CHRM3: variants seen among roughly 807,000 people sequenced by gnomAD.
The protein encoded by CHRM3 is cholinergic receptor muscarinic 3, also known as muscarinic acetylcholine receptor M3.
Under a neutral mutation model 41.8 loss-of-function variants are expected in CHRM3, and 11 were observed. That is an observed-to-expected ratio of 0.26 (90% CI 0.17 to 0.44). CHRM3 has a LOEUF of 0.44. Ranked by LOEUF, CHRM3 falls within the 20% of genes least tolerant of loss-of-function variation. The pLI is 1.00. For missense variants in CHRM3, 571 were observed against 745.4 expected (o/e 0.77, Z 2.72); for synonymous variants, 297 against 301.4 (o/e 0.99, Z 0.15).
intron 4 of CHRM3, among the ~76,000 whole-genome samples, chr1:239,661,701 C>T (rs558447662): frequency 5.5e-4 from 84 of 152,142 alleles, no homozygotes; most frequent in Middle Eastern, 3.4e-3. Flanking sequence ...ATTTTTAAGG[C>T]GGTGAAACTA....
chr1:239,715,736 A>C (rs774025269), intron 5 of CHRM3, among the ~76,000 whole-genome samples: 5 of 152,100 alleles, frequency 3.3e-5, no homozygotes, highest in Non-Finnish European at 5.9e-5. Flanking sequence ...GGTGGCAAAG[A>C]GTTAGGCTGG....
At chr1:239,661,221 G>A (rs921523362) in intron 4 of CHRM3, among the ~76,000 whole-genome samples, 7 of 152,058 alleles carry the variant, frequency 4.6e-5, no homozygotes, top group African/African-American at 7.2e-5. Context: ...TTACCCTTTT[G>A]TTACTAAATG....
chr1:239,777,158 G>A (rs1232725096), intron 5 of CHRM3, among the ~76,000 whole-genome samples: 1 of 152,156 alleles, frequency 6.6e-6, no homozygotes. Flanking sequence ...TTCTGGGAAA[G>A]GTTATTAAAC....
At chr1:239,870,714 G>A (rs1460582346) in intron 6 of CHRM3, among the ~76,000 whole-genome samples, 2 of 152,152 alleles carry the variant, frequency 1.3e-5, no homozygotes, top group African/African-American at 4.8e-5. Flanking sequence ...TGAGGCTCTC[G>A]TTAGCCACCT....
chr1:239,696,839 A>G (rs1365135967), intron 5 of CHRM3, among the ~76,000 whole-genome samples: 1 of 152,226 alleles, frequency 6.6e-6, no homozygotes. Flanking sequence ...AAAAACAAAA[A>G]CCAGCAGTCA....
At chr1:239,697,350 T>C (rs1431104503) in intron 5 of CHRM3, among the ~76,000 whole-genome samples, 1 of 152,162 alleles carries the variant, frequency 6.6e-6, no homozygotes, top group Non-Finnish European at 1.5e-5. Flanking sequence ...CGTGACTTGC[T>C]CCTCCTTGCC....
At chr1:239,568,400 C>T (rs181995155) in intron 3 of CHRM3, among the ~76,000 whole-genome samples, 1 of 152,166 alleles carries the variant, frequency 6.6e-6, no homozygotes, top group Admixed American at 6.5e-5. Context: ...GCTTGCCTCT[C>T]ATTCTTTTGT....
At chr1:239,850,381 A>G (rs1159303545) in intron 6 of CHRM3, among the ~76,000 whole-genome samples, 2 of 152,128 alleles carry the variant, frequency 1.3e-5, no homozygotes, top group Non-Finnish European at 2.9e-5. Context: ...TCTCAGGGAT[A>G]ACAGAGGTGT....
At chr1:239,476,096 A>C (rs1389641654) in intron 1 of CHRM3, among the ~76,000 whole-genome samples, 6 of 152,032 alleles carry the variant, frequency 3.9e-5, no homozygotes, top group Non-Finnish European at 8.8e-5. Flanking sequence ...TTGTATCCTA[A>C]TAAACTATCA....
At chr1:239,809,610 A>G (rs1670952281) in intron 5 of CHRM3, among the ~76,000 whole-genome samples, 1 of 151,424 alleles carries the variant, frequency 6.6e-6, no homozygotes, top group Admixed American at 6.6e-5. Flanking sequence ...TGATCCTCCC[A>G]CTTCAGCCAC....
At chr1:239,610,494 T>G (rs1383441989) in intron 3 of CHRM3, among the ~76,000 whole-genome samples, 3 of 152,158 alleles carry the variant, frequency 2.0e-5, no homozygotes, top group Non-Finnish European at 4.4e-5. Flanking sequence ...CTGCTCCTAA[T>G]CTGAAATATA....
At chr1:239,879,286 G>A (rs535972029) in intron 6 of CHRM3, among the ~76,000 whole-genome samples, 25 of 152,196 alleles carry the variant, frequency 1.6e-4, no homozygotes, top group Admixed American at 2.6e-4. Context: ...GTGAGCCAAC[G>A]CACCCAGCTT....
intron 4 of CHRM3, among the ~76,000 whole-genome samples, chr1:239,637,018 T>A (rs1198841179): frequency 6.6e-6 from 1 of 152,180 alleles, no homozygotes; most frequent in Non-Finnish European, 1.5e-5. Context: ...GTATCCTCGG[T>A]ATTAAAGGAA....
intron 4 of CHRM3, among the ~76,000 whole-genome samples, chr1:239,647,876 C>T (rs1382413066): frequency 6.6e-6 from 1 of 152,054 alleles, no homozygotes; most frequent in Non-Finnish European, 1.5e-5. Flanking sequence ...AATTGCTTGG[C>T]TTCTATGTCT....
At chr1:239,715,457 C>T (rs954145534) in intron 5 of CHRM3, among the ~76,000 whole-genome samples, 4 of 152,024 alleles carry the variant, frequency 2.6e-5, no homozygotes, top group African/African-American at 9.7e-5. Flanking sequence ...GCGTAAATAC[C>T]GTCACCATGG....
intron 5 of CHRM3, among the ~76,000 whole-genome samples, chr1:239,802,010 A>G (rs1111249): frequency 0.34 from 51,192 of 152,060 alleles, 8,991 homozygotes; most frequent in Non-Finnish European, 0.4. Context: ...TGGCAGGCCA[A>G]TTTCTCTTAT....
At chr1:239,546,200 A>G (rs555128727) in intron 3 of CHRM3, 18 of 152,142 alleles carry the variant, frequency 1.2e-4, no homozygotes, top group Non-Finnish European at 2.4e-4. Flanking sequence ...TTGGTGTATG[A>G]TATTTACGGT....
intron 5 of CHRM3, among the ~76,000 whole-genome samples, chr1:239,774,309 T>C (rs1572250574): frequency 6.6e-6 from 1 of 152,130 alleles, no homozygotes; most frequent in Admixed American, 6.5e-5. Context: ...ATTGGGTACT[T>C]TTAATGTATT....
intron 1 of CHRM3, among the ~76,000 whole-genome samples, chr1:239,462,385 T>C (rs1284860058): frequency 2.6e-5 from 4 of 152,210 alleles, no homozygotes; most frequent in African/African-American, 9.6e-5. Flanking sequence ...TCAAAAGTCA[T>C]GATTCTGAAT....
Sources: allele counts gnomAD v4.1 joint callset (sites outside exome capture counted in the v4.1 genomes callset), GRCh38; gene constraint gnomAD v4.1.1; transcripts MANE v1.5; gene names NCBI Gene and HGNC (gene_info 2026-07-23, HGNC 2026-07-21).